Variants in DACT2 observed in about 807,000 individuals in gnomAD.
DACT2 encodes dishevelled binding antagonist of beta catenin 2.
A neutral mutation model predicts 22.2 loss-of-function variants in DACT2; 20 were observed. The ratio of observed to expected loss-of-function variants is 0.90; its 90% confidence interval spans 0.63 to 1.31. The LOEUF is 1.31. Ranked by LOEUF, DACT2 falls within the 50% of genes most tolerant of loss-of-function variation. The pLI, the probability that DACT2 is intolerant of heterozygous loss-of-function variation, is 0.00. For synonymous variants in DACT2, 463 were observed against 479.8 expected, an observed-to-expected ratio of 0.96 and a Z score of 0.46; for missense variants, 1,048 against 1,061.4, an observed-to-expected ratio of 0.99 and a Z score of 0.18.
In DACT2 at chr6:168,308,239, C is replaced by T. The variant is rs751305548; in HGVS notation, c.1518G>A (p.Lys506=). 1.7e-5 allele frequency: 27 copies of T among 1,552,012 alleles called. No individual in the cohort carries two copies. The highest frequency in any genetic ancestry group is 2.0e-5 in the Admixed American group (1 of 50,988). ...AEKIKRSPMD[K]VLRFARQPLL... is the part of the protein sequence containing the mutation. ...GCGGCTGCCTTGCAAACCTCAGCAC[C>T]TTGTCCATGGGACTTCTCTTGATTT... Residue 506 remains lysine (K), a synonymous_variant, in exon 4 of 4, where the codon AAG becomes AAA. Transcript: ENST00000366795.
chr6:168,311,137 A>G lies in DACT2; in HGVS notation c.379+15T>C. ...TGCCTGCCCCTGTGTCCGGGAGGTC[A>G]GGGCGCCCTGGTACCTGAGCTGGGC... On this transcript the variant is annotated intron_variant, in intron 2 of 3. Coordinates refer to ENST00000366795, the MANE Select transcript of DACT2 (RefSeq NM_214462.5). 1 of 1,512,456 alleles carries G rather than the reference A, an allele frequency of 6.6e-7. No individual in the cohort carries two copies. 93.7% of individuals were successfully genotyped at this position (1,512,456 alleles called of 1,614,324 possible).
At chr6:168,296,347 A>C (rs557368919) in intron 3 of DACT2, among the ~76,000 whole-genome samples, 2 of 150,784 alleles carry the variant, frequency 1.3e-5, no homozygotes, top group Admixed American at 6.6e-5. Context: ...CATGGAGGAC[A>C]GGCACCCAGA....
Position 168,309,014 on chromosome 6 carries a change from C to A in DACT2, c.743G>T (p.Gly248Val). The change falls in exon 4 of 4, where the codon GGG becomes GTG. Residue 248 changes from glycine to valine, a missense_variant. Gly to Val is a moderately radical substitution (Grantham distance 109, BLOSUM62 -3). Transcript: ENST00000366795. ...DAELLGLLCQ[G>V]VDIPLHVPDP... ...CGGCACGTGCAGCGGGATATCCACC[C>A]CCTGGCAGAGGAGCCCGAGGAGCTC... 6.5e-7 allele frequency: 1 copy of A among 1,548,130 alleles called. No homozygotes were observed. Among genetic ancestry groups the A allele is most frequent in the Non-Finnish European group, 8.7e-7 (1 of 1,146,944 alleles).
intron 3 of DACT2, chr6:168,294,799 G>C: frequency 2.1e-6 from 1 of 475,948 alleles, no homozygotes; most frequent in South Asian, 7.3e-5. Flanking sequence ...GATTCTGCAT[G>C]CAACTTAGAT....
chr6:168,311,947 G>A (rs866118082), intron 1 of DACT2, among the ~76,000 whole-genome samples: 8 of 152,170 alleles, frequency 5.3e-5, no homozygotes, highest in South Asian at 4.1e-4. Context: ...CCTTTCACTC[G>A]GCCGCCTCTG....
At chr6:168,310,145 C>G (rs767477403) in intron 3 of DACT2, 23 bp downstream of exon 3, 1 of 1,546,824 alleles carries the variant, frequency 6.5e-7, no homozygotes, top group Admixed American at 2.0e-5. Context: ...ATGAGACCCC[C>G]ACCTTCCCTG....
chr6:168,307,997 G>A lies in DACT2; in HGVS notation c.1760C>T (p.Ala587Val), dbSNP rs760524882. The A allele has an allele frequency of 2.3e-5, 36 of 1,551,082 alleles. No homozygotes were observed. The East Asian group carries it at 8.1e-4, about 35-fold the overall frequency. Residue 587 changes from alanine to valine, a missense_variant, in exon 4 of 4, where the codon GCC becomes GTC. Ala to Val is a moderately conservative substitution (Grantham distance 64). Coordinates refer to ENST00000366795, the MANE Select transcript of DACT2 (RefSeq NM_214462.5). The surrounding 1 kb of genome is among the most constrained non-coding windows in gnomAD (Gnocchi z 5.3). The stretch of plus-strand genomic sequence containing the variant: ...CGCCTCAAAGGGGAACAGGGCTTGG[G>A]CTGAGGTCCGGTGGCTCTCCTGCGG... ...VAPQESHRTS[A>V]QALFPFEASL...
Position 168,307,247 on chromosome 6 carries a change from G to T in DACT2, c.*185C>A. ...ACCAGAGCTCCGCATGGAAGTCTTT[G>T]CTGGGGCGGGGACTCACGGCCATAC... On this transcript the variant is annotated 3_prime_UTR_variant, in exon 4 of 4. Transcript: ENST00000366795. The surrounding 1 kb of genome is among the most constrained non-coding windows in gnomAD (Gnocchi z 5.3). The T allele has an allele frequency of 7.1e-7, 1 of 1,416,350 alleles. No individual in the cohort carries two copies. Among genetic ancestry groups the T allele is most frequent in the Non-Finnish European group, 9.2e-7 (1 of 1,091,386 alleles). The allele number at this position is 1,416,350 out of a possible 1,614,324, so 87.7% of individuals were successfully genotyped here.
intron 1 of DACT2, among the ~76,000 whole-genome samples, chr6:168,318,045 T>C (rs1284465987): frequency 9.8e-5 from 12 of 122,294 alleles, no homozygotes; most frequent in African/African-American, 3.3e-4. Context: ...GAAGCTGCGA[T>C]TGTGTCTGGT....
chr6:168,311,934 C>T (rs950764762), intron 1 of DACT2, among the ~76,000 whole-genome samples: 5 of 152,176 alleles, frequency 3.3e-5, no homozygotes, highest in African/African-American at 9.7e-5. Flanking sequence ...GGTGCGGTGG[C>T]GTCCTTTCAC....
intron 4 of DACT2, chr6:168,294,573 GTGTGTATATATATATA>G: frequency 2.2e-6 from 1 of 461,302 alleles, no homozygotes; most frequent in Non-Finnish European, 3.0e-6. Flanking sequence ...GTGTGTGTGT[GTGTGTATATATATATA>G]TATATATATA....
rs115974377 is a variant in DACT2 at position 168,310,453 on chromosome 6, G to A, written c.380-7C>T. ...TCGCTCATCTCGTAAAAGCCTGGAC[G>A]GAGCAGACAAGGCAGGTCAGTGACC... On this transcript the variant is annotated splice_region_variant and splice_polypyrimidine_tract_variant and intron_variant, in intron 2 of 3. Coordinates refer to ENST00000366795, the MANE Select transcript of DACT2 (RefSeq NM_214462.5). 1.5e-3 allele frequency: 2,375 copies of A among 1,545,076 alleles called. 36 individuals are homozygous for A. The African/African-American group carries it at 0.028, about 18-fold the overall frequency.
intron 4 of DACT2, chr6:168,294,561 ATGTGTGTGTGTGTG>A: frequency 2.3e-6 from 1 of 429,980 alleles, no homozygotes; most frequent in Non-Finnish European, 3.4e-6. Flanking sequence ...GTGTGTGTGT[ATGTGTGTGTGTGTG>A]TGTATATATA....
chr6:168,297,404 G>A (rs573673511), intron 3 of DACT2, among the ~76,000 whole-genome samples: 5 of 152,252 alleles, frequency 3.3e-5, no homozygotes, highest in African/African-American at 9.6e-5. Context: ...GAAGCATAAG[G>A]GAGAAAATAG....
At position 168,310,285 on chromosome 6, in the gene DACT2, C is replaced by T. The variant is rs1012536162; in HGVS notation, c.541G>A (p.Glu181Lys). ...MGDWRPRSVD[E>K]TTVPAWRPQA... The stretch of plus-strand genomic sequence containing the variant: ...GGTCTCCACGCTGGCACAGTAGTCT[C>T]ATCAACCGACCGGGGCCTCCAGTCC... The change falls in exon 3 of 4, where the codon GAG (glutamate) becomes AAG (lysine). Residue 181 changes from glutamate to lysine, a missense_variant. Glu to Lys is a moderately conservative substitution (Grantham distance 56). Transcript: ENST00000366795. 6.4e-7 allele frequency: 1 copy of T among 1,551,592 alleles called. No individual in the cohort carries two copies. The highest frequency in any genetic ancestry group is 8.7e-7 in the Non-Finnish European group (1 of 1,147,000).
downstream of DACT2, among the ~76,000 whole-genome samples, chr6:168,304,617 G>A (rs1224623424): frequency 6.6e-6 from 1 of 152,214 alleles, no homozygotes; most frequent in Non-Finnish European, 1.5e-5. Context: ...CTATAGGGAG[G>A]CCATAACCTG....
intron 3 of DACT2, chr6:168,299,216 A>G (rs1323802554): frequency 6.6e-6 from 1 of 152,120 alleles, no homozygotes. Context: ...TCCTCAACCA[A>G]TCCAGTAGCT....
chr6:168,318,690 A>G (rs1249978830), intron 1 of DACT2, among the ~76,000 whole-genome samples: 2 of 152,106 alleles, frequency 1.3e-5, no homozygotes, highest in African/African-American at 2.4e-5. Flanking sequence ...AGTTCCTTTC[A>G]TTGTGTGAAA....
At chr6:168,297,585 T>C (rs1779029427) in intron 3 of DACT2, among the ~76,000 whole-genome samples, 1 of 152,148 alleles carries the variant, frequency 6.6e-6, no homozygotes, top group Non-Finnish European at 1.5e-5. Flanking sequence ...GGGAGAATGA[T>C]TGTGGACCTC....
Sources: gnomAD v4.1 joint callset for allele counts (sites outside exome capture counted in the v4.1 genomes callset) on GRCh38, gnomAD v4.1.1 for gene constraint, Gnocchi (gnomAD v3.1) non-coding constraint, MANE v1.5 for transcripts, NCBI Gene and HGNC (gene_info 2026-07-23, HGNC 2026-07-21) for gene names.